MSH3: variants seen among roughly 807,000 people sequenced by gnomAD.
The protein encoded by MSH3 is DNA mismatch repair protein Msh3.
In MSH3, 106 loss-of-function variants were observed where a neutral mutation model predicts 123.3. That is an observed-to-expected ratio of 0.86 (90% CI 0.73 to 1.01). MSH3 has a LOEUF of 1.01. Among genes scored for constraint, MSH3 ranks in the 50% least tolerant of loss-of-function variants. The probability of loss-of-function intolerance (pLI) is 0.00; values close to 1 mark genes in which losing one functional copy is unlikely to be tolerated. For synonymous variants in MSH3, 515 were observed against 481.4 expected (o/e 1.07, Z -0.91); for missense variants, 1,459 against 1,347.6 (o/e 1.08, Z -1.29).
chr5:80,804,522 T>C (rs1006155821), intron 19 of MSH3, among the ~76,000 whole-genome samples: 5 of 152,264 alleles, frequency 3.3e-5, no homozygotes, highest in Admixed American at 1.3e-4. Context: ...CTGTAGCTCT[T>C]GTAGACTCTT....
intron 20 of MSH3, among the ~76,000 whole-genome samples, chr5:80,823,435 CT>C (rs1202943235): frequency 6.6e-6 from 1 of 152,146 alleles, no homozygotes; most frequent in African/African-American, 2.4e-5. Context: ...TTAGACCATC[CT>C]GGGCACTTCA....
At chr5:80,680,172 A>G (rs1008081750) in intron 8 of MSH3, among the ~76,000 whole-genome samples, 5 of 151,988 alleles carry the variant, frequency 3.3e-5, no homozygotes, top group Non-Finnish European at 7.4e-5. Context: ...AGGCAGGATA[A>G]TCGCTTGAAC....
intron 10 of MSH3, among the ~76,000 whole-genome samples, chr5:80,729,442 G>GTT (rs1743369454): frequency 7.5e-6 from 1 of 133,484 alleles, no homozygotes; most frequent in Non-Finnish European, 1.6e-5. Flanking sequence ...GTGTGTGTGT[G>GTT]TGTGTGTGTG....
intron 8 of MSH3, among the ~76,000 whole-genome samples, chr5:80,686,245 T>C (rs1750086108): frequency 6.6e-6 from 1 of 152,188 alleles, no homozygotes; most frequent in Admixed American, 6.5e-5. Flanking sequence ...TGATTTTCTG[T>C]CTGGAAGATC....
At chr5:80,679,208 C>T (rs1252373921) in intron 8 of MSH3, 115 bp downstream of exon 8, 1 of 1,124,902 alleles carries the variant, frequency 8.9e-7, no homozygotes, top group Non-Finnish European at 1.3e-6. Context: ...ATTATATTTC[C>T]ACTGTAGTAG....
At chr5:80,695,357 C>G (rs543260431) in intron 8 of MSH3, among the ~76,000 whole-genome samples, 29 of 150,892 alleles carry the variant, frequency 1.9e-4, no homozygotes, top group Non-Finnish European at 3.4e-4. Context: ...TTTTTTGAGA[C>G]AGAGTTTTGC....
At chr5:80,802,848 T>C (rs1744816393) in intron 19 of MSH3, among the ~76,000 whole-genome samples, 1 of 152,176 alleles carries the variant, frequency 6.6e-6, no homozygotes, top group Non-Finnish European at 1.5e-5. Context: ...GGCTGGCTTA[T>C]TTCACTTAAC....
chr5:80,768,396 A>G (rs1744161082), intron 14 of MSH3, among the ~76,000 whole-genome samples: 1 of 152,142 alleles, frequency 6.6e-6, no homozygotes, highest in Admixed American at 6.5e-5. Flanking sequence ...AAGCATTAGT[A>G]GTTTATTAAC....
chr5:80,665,110 A>G lies in MSH3; in HGVS notation c.359-33A>G, dbSNP rs370734697. The G allele has an allele frequency of 3.9e-4, 602 of 1,556,110 alleles. 1 individual carries two copies. The highest frequency in any genetic ancestry group is 4.9e-4 in the Non-Finnish European group (557 of 1,130,214). On this transcript the variant is annotated intron_variant, in intron 2 of 23. Coordinates refer to ENST00000265081, the MANE Select transcript of MSH3 (RefSeq NM_002439.5). ...TTGACATAATGAGACCAAAATTACT[A>G]TTGTTCTGTTTTCTTCTTATTTGCT...
rs774412451 is a variant in MSH3, at chr5:80,683,285, A to T, written c.1340+4192A>T. Among the ~76,000 whole-genome samples, 72 of 152,026 alleles carry T rather than the reference A, an allele frequency of 4.7e-4. 1 individual carries two copies. The East Asian group carries it at 0.011, about 24-fold the overall frequency. Reference sequence around the variant, plus strand: ...TAGTTTTTTGGTAGTTTTTTTTCAAACTACTCTCCATAGTGGTTGTACTAA... The same window carrying T: ...TAGTTTTTTGGTAGTTTTTTTTCAATCTACTCTCCATAGTGGTTGTACTAA... On this transcript the variant is annotated intron_variant, in intron 8 of 23. Coordinates refer to ENST00000265081, the MANE Select transcript of MSH3 (RefSeq NM_002439.5).
chr5:80,794,258 C>A (rs1237477196), intron 19 of MSH3, among the ~76,000 whole-genome samples: 1 of 152,168 alleles, frequency 6.6e-6, no homozygotes, highest in Non-Finnish European at 1.5e-5. Flanking sequence ...GCTGGAATGG[C>A]GAATCCTGGC....
At chr5:80,853,959 A>G (rs1248357034) in intron 20 of MSH3, among the ~76,000 whole-genome samples, 171 bp from the exon 21 acceptor site, 1 of 152,204 alleles carries the variant, frequency 6.6e-6, no homozygotes, top group Non-Finnish European at 1.5e-5. Flanking sequence ...ATGATGTTAG[A>G]CACTCTTTAC....
intron 8 of MSH3, among the ~76,000 whole-genome samples, chr5:80,691,843 GTA>G (rs1483455756): frequency 2.1e-5 from 3 of 144,774 alleles, no homozygotes; most frequent in Non-Finnish European, 3.0e-5. Context: ...AAATAAACAT[GTA>G]TATATTTATA....
intron 8 of MSH3, among the ~76,000 whole-genome samples, chr5:80,719,305 C>G (rs562284570): frequency 2.4e-4 from 36 of 152,242 alleles, no homozygotes; most frequent in African/African-American, 8.2e-4. Context: ...CTCGGCCTCC[C>G]AAAGTGCTGG....
At chr5:80,835,430 G>A (rs1471078808) in intron 20 of MSH3, among the ~76,000 whole-genome samples, 3 of 152,082 alleles carry the variant, frequency 2.0e-5, no homozygotes, top group Non-Finnish European at 2.9e-5. Context: ...AGAGAGGAAG[G>A]TATTAGCAAA....
chr5:80,823,059 G>A (rs759278894), intron 20 of MSH3, among the ~76,000 whole-genome samples: 7 of 152,106 alleles, frequency 4.6e-5, no homozygotes, highest in Non-Finnish European at 8.8e-5. Flanking sequence ...GGAAAGATAC[G>A]CTTGTTACAA....
chr5:80,799,356 G>C (rs886787577), intron 19 of MSH3, among the ~76,000 whole-genome samples: 2 of 152,010 alleles, frequency 1.3e-5, no homozygotes, highest in African/African-American at 4.8e-5. Context: ...ACCATAACCT[G>C]CTGTTGATTG....
chr5:80,762,205 G>T (rs1028996492), intron 13 of MSH3, among the ~76,000 whole-genome samples: 1 of 151,576 alleles, frequency 6.6e-6, no homozygotes, highest in Non-Finnish European at 1.5e-5. Context: ...CATTTTCCAC[G>T]GTTAGGGAAA....
In MSH3 at chr5:80,787,650, G is replaced by C. The variant is rs963584392; in HGVS notation, c.2521G>C (p.Ala841Pro). 1.2e-6 allele frequency: 2 copies of C among 1,613,196 alleles called. No individual in the cohort carries two copies. The highest frequency in any genetic ancestry group is 2.7e-5 in the African/African-American group (2 of 74,888). ...VDCIFSLAKV[A>P]KQGDYCRPTV... Reference sequence around the variant, plus strand: ...CTGCATTTTCTCCCTGGCCAAGGTCGCTAAGCAAGGAGATTACTGCAGGTA... The same window carrying C: ...CTGCATTTTCTCCCTGGCCAAGGTCCCTAAGCAAGGAGATTACTGCAGGTA... The change falls in exon 18 of 24, where the codon GCT becomes CCT. Residue 841 changes from alanine to proline, a missense_variant. By Grantham distance (27) the Ala-to-Pro change is conservative. Transcript: ENST00000265081.
Sources: allele counts gnomAD v4.1 joint callset (sites outside exome capture counted in the v4.1 genomes callset), GRCh38; gene constraint gnomAD v4.1.1; transcripts MANE v1.5; gene names NCBI Gene and HGNC (gene_info 2026-07-23, HGNC 2026-07-21).